Variants in KIAA1549 observed in about 807,000 individuals in gnomAD.
KIAA1549 encodes UPF0606 protein KIAA1549.
Under a neutral mutation model 156.4 loss-of-function variants are expected in KIAA1549, and 70 were observed. The observed-to-expected ratio is 0.45, with a 90% CI of 0.37 to 0.55. KIAA1549 has a LOEUF of 0.55. KIAA1549 is among the 20% of genes least tolerant of loss of function. The probability of loss-of-function intolerance (pLI) is 0.00; values close to 1 mark genes in which losing one functional copy is unlikely to be tolerated. For missense variants in KIAA1549, 2,428 were observed against 2,540.9 expected (o/e 0.96, Z 0.96); for synonymous variants, 1,103 against 1,066.4 (o/e 1.03, Z -0.67).
intron 1 of KIAA1549, among the ~76,000 whole-genome samples, chr7:138,963,133 G>C (rs1195326979): frequency 6.6e-6 from 1 of 152,256 alleles, no homozygotes; most frequent in African/African-American, 2.4e-5. Flanking sequence ...GCTGAGTCAT[G>C]CAGACATGTG....
At chr7:138,921,342 A>G (rs887103686) in intron 1 of KIAA1549, among the ~76,000 whole-genome samples, 1 of 152,178 alleles carries the variant, frequency 6.6e-6, no homozygotes, top group Non-Finnish European at 1.5e-5. Context: ...TCCTAGAATA[A>G]AATATGCACA....
At chr7:138,975,638 C>A (rs1814354257) in intron 1 of KIAA1549, among the ~76,000 whole-genome samples, 1 of 152,118 alleles carries the variant, frequency 6.6e-6, no homozygotes, top group South Asian at 2.1e-4. Flanking sequence ...TTTGCACACA[C>A]CCAGGTTTTT....
At chr7:138,861,592 C>T (rs1584710966) in intron 15 of KIAA1549, 136 bp from the exon 16 acceptor site, 2 of 733,096 alleles carry the variant, frequency 2.7e-6, no homozygotes, top group South Asian at 1.8e-5. Context: ...GTGGCTCACA[C>T]CTTTAATTCC....
chr7:138,929,675 T>C (rs1812817375), intron 1 of KIAA1549, among the ~76,000 whole-genome samples: 1 of 152,108 alleles, frequency 6.6e-6, no homozygotes, highest in Non-Finnish European at 1.5e-5. Flanking sequence ...ATGAAATATA[T>C]TTCTTTTATC....
At chr7:138,940,837 C>A (rs1025971416) in intron 1 of KIAA1549, among the ~76,000 whole-genome samples, 2 of 152,184 alleles carry the variant, frequency 1.3e-5, no homozygotes, top group African/African-American at 4.8e-5. Context: ...CTGTTCATAT[C>A]TTTCACCCAC....
chr7:138,974,324 G>A (rs1183256437), intron 1 of KIAA1549, among the ~76,000 whole-genome samples: 1 of 152,040 alleles, frequency 6.6e-6, no homozygotes, highest in African/African-American at 2.4e-5. Context: ...GGTGGTCCTT[G>A]GGAGAAGAGT....
At chr7:138,944,367 A>T (rs1235336903) in intron 1 of KIAA1549, among the ~76,000 whole-genome samples, 2 of 152,216 alleles carry the variant, frequency 1.3e-5, no homozygotes, top group African/African-American at 2.4e-5. Context: ...ATACCAATTC[A>T]TACCCATAGG....
At chr7:138,882,272 C>T (rs1481966765) in intron 10 of KIAA1549, among the ~76,000 whole-genome samples, 1 of 152,148 alleles carries the variant, frequency 6.6e-6, no homozygotes, top group Non-Finnish European at 1.5e-5. Context: ...ATGAACAGCT[C>T]TAGGGATCAG....
chr7:138,859,581 C>A lies in KIAA1549; in HGVS notation c.5247+1558G>T, dbSNP rs116508142. On this transcript the variant is annotated intron_variant, in intron 16 of 19. Coordinates refer to ENST00000422774, the MANE Select transcript of KIAA1549 (RefSeq NM_001164665.2). ...CCTCATGAACTCCAGCTGCCTTTTCCTCCCCAGACTTCCAAACTCCATTTC... is the reference window on the plus strand; with the variant it reads ...CCTCATGAACTCCAGCTGCCTTTTCATCCCCAGACTTCCAAACTCCATTTC... Among the ~76,000 whole-genome samples the A allele has an allele frequency of 4.2e-3, 640 of 152,262 alleles. 4 individuals carry two copies. Among genetic ancestry groups the A allele is most frequent in the African/African-American group, 0.015 (624 of 41,548 alleles).
At position 138,887,444 on chromosome 7, in the gene KIAA1549, T is replaced by A. The variant is rs149514288; in HGVS notation, c.4033-5860A>T. 2.3e-3 allele frequency among the ~76,000 whole-genome samples: 356 copies of A among 152,264 alleles called. 7 individuals carry two copies. Among genetic ancestry groups the A allele is most frequent in the African/African-American group, 8.1e-3 (336 of 41,526 alleles). ...AAACCCCGGGGAGCAGACACACAGTTTTCTAGGAGCAGGCAGCCCTTTTAC... is the reference window on the plus strand; with the variant it reads ...AAACCCCGGGGAGCAGACACACAGTATTCTAGGAGCAGGCAGCCCTTTTAC... On this transcript the variant is annotated intron_variant, in intron 10 of 19. Coordinates refer to ENST00000422774, the MANE Select transcript of KIAA1549 (RefSeq NM_001164665.2).
At chr7:138,909,578 T>C (rs981186782) in intron 4 of KIAA1549, among the ~76,000 whole-genome samples, 4 of 152,246 alleles carry the variant, frequency 2.6e-5, no homozygotes, top group Admixed American at 2.0e-4. Flanking sequence ...TGGGTATATG[T>C]AGACTTAGTA....
At position 138,840,239 on chromosome 7, in the gene KIAA1549, C is replaced by A. The variant is rs867388613; in HGVS notation, c.5492G>T (p.Ser1831Ile). The change falls in exon 19 of 20, where the codon AGC (serine) becomes ATC (isoleucine). Residue 1831 changes from serine (S) to isoleucine (I), a missense_variant. This residue lies in a region of KIAA1549 where 363 missense variants were observed against 354.0 expected (regional missense o/e 1.03). Transcript: ENST00000422774. ...TTCCACTGGCTGAGCTCCAATTCTG[C>A]TGGCAATCCCCACCTGTGTCAGGTG... ...IQHLTQVGIA[S>I]RIGAQPVEIP... is the part of the protein sequence containing the mutation. 6.3e-7 allele frequency: 1 copy of A among 1,591,870 alleles called. No homozygotes were observed. Among genetic ancestry groups the A allele is most frequent in the Admixed American group, 1.8e-5 (1 of 56,452 alleles).
At chr7:138,939,424 T>C (rs896427426) in intron 1 of KIAA1549, among the ~76,000 whole-genome samples, 10 of 152,142 alleles carry the variant, frequency 6.6e-5, no homozygotes, top group Non-Finnish European at 1.0e-4. Context: ...CCTCTTTTTT[T>C]CCCCCTTTTT....
chr7:138,903,688 G>C lies in KIAA1549; in HGVS notation c.3569C>G (p.Ala1190Gly). 6.2e-7 allele frequency: 1 copy of C among 1,608,586 alleles called. No homozygotes were observed. Among genetic ancestry groups the C allele is most frequent in the Non-Finnish European group, 8.5e-7 (1 of 1,177,626 alleles). The stretch of plus-strand genomic sequence containing the variant: ...CTGGGCCAGCTTGCGTTCCATCTCG[G>C]CTTGAAACACTTCATTCTGGAGTTG... ...EKQLQNEVFQAEMERKLAQLL... is the reference protein window; with the variant it reads ...EKQLQNEVFQGEMERKLAQLL... Residue 1190 changes from alanine to glycine, a missense_variant, in exon 8 of 20, where the codon GCC becomes GGC. Physicochemically the swap from Ala to Gly is moderately conservative, Grantham distance 60. Around this residue, in one of 5 missense-constraint regions of KIAA1549, gnomAD observed 762 missense variants for 901.6 expected, o/e 0.85. Transcript: ENST00000422774.
intron 1 of KIAA1549, among the ~76,000 whole-genome samples, chr7:138,973,454 C>G (rs1286723203): frequency 6.6e-6 from 1 of 152,142 alleles, no homozygotes; most frequent in African/African-American, 2.4e-5. Flanking sequence ...ACTCTCTCCT[C>G]CTCTCCTGGC....
chr7:138,917,427 A>G lies in KIAA1549; in HGVS notation c.2199T>C (p.Ser733=), dbSNP rs536469110. The G allele has an allele frequency of 2.6e-5, 42 of 1,614,038 alleles. No homozygotes were observed. The South Asian group carries it at 4.3e-4, about 16-fold the overall frequency. Residue 733 remains serine, a synonymous_variant, in exon 2 of 20, where the codon TCT becomes TCC. Transcript: ENST00000422774. ...PSDSLEFVEA[S]TVSLTDSEAH... is the part of the protein sequence containing the mutation. ...CTTCTGAATCCGTCAGTGAAACCGT[A>G]GACGCTTCAACAAACTCGAGAGAAT...
intron 10 of KIAA1549, among the ~76,000 whole-genome samples, chr7:138,887,554 T>C (rs1314031850): frequency 1.3e-5 from 2 of 152,126 alleles, no homozygotes; most frequent in African/African-American, 4.8e-5. Context: ...GTGCCTGTGG[T>C]CCGGGCAGCA....
At chr7:138,847,761 G>A (rs568250326) in intron 17 of KIAA1549, among the ~76,000 whole-genome samples, 3 of 152,126 alleles carry the variant, frequency 2.0e-5, no homozygotes, top group African/African-American at 2.4e-5. Flanking sequence ...TCCATCTGTC[G>A]GTTTCCACAT....
Position 138,831,443 on chromosome 7 carries a change from A to G in KIAA1549, c.*6463T>C. ...TTAAAATGCTAGGAAAGCTGTATAA[A>G]TTGTAAACATGGAAACCAAATACTT... On this transcript the variant is annotated 3_prime_UTR_variant, in exon 20 of 20. Coordinates refer to ENST00000422774, the MANE Select transcript of KIAA1549 (RefSeq NM_001164665.2). The G allele has an allele frequency of 4.8e-6, 1 of 206,200 alleles. No individual in the cohort carries two copies. The highest frequency in any genetic ancestry group is 9.9e-6 in the Non-Finnish European group (1 of 100,922). 12.8% of individuals were successfully genotyped at this position (206,200 alleles called of 1,614,324 possible).
Sources: allele counts gnomAD v4.1 joint callset (sites outside exome capture counted in the v4.1 genomes callset), GRCh38; gene constraint gnomAD v4.1.1; regional missense constraint gnomAD v4.1.1; transcripts MANE v1.5; gene names NCBI Gene and HGNC (gene_info 2026-07-23, HGNC 2026-07-21).